Variants in FBXL7 observed in about 807,000 individuals in gnomAD.
The protein encoded by FBXL7 is F-box/LRR-repeat protein 7.
Under a neutral mutation model 38.3 loss-of-function variants are expected in FBXL7, and 12 were observed. That is an observed-to-expected ratio of 0.31 (90% confidence interval 0.20 to 0.51). The LOEUF (loss-of-function observed/expected upper bound fraction) is 0.51. Ranked by LOEUF, FBXL7 falls within the 20% of genes least tolerant of loss-of-function variation. FBXL7 has a pLI of 0.98. For synonymous variants in FBXL7, 297 were observed against 300.9 expected, an observed-to-expected ratio of 0.99 and a Z score of 0.13; for missense variants, 567 against 676.4, an observed-to-expected ratio of 0.84 and a Z score of 1.79.
intron 2 of FBXL7, among the ~76,000 whole-genome samples, chr5:15,638,925 C>T (rs148866516): frequency 1.6e-3 from 247 of 152,230 alleles, no homozygotes; most frequent in African/African-American, 5.7e-3. Flanking sequence ...TTTTACTGAG[C>T]TCAACCCTGA....
chr5:15,688,462 GACCATTC>G (rs1477758313), intron 2 of FBXL7, among the ~76,000 whole-genome samples: 2 of 151,698 alleles, frequency 1.3e-5, no homozygotes, highest in African/African-American at 4.8e-5. Flanking sequence ...TAGTAACTCA[GACCATTC>G]ACTTAGCCAT....
chr5:15,927,799 A>AC, intron 2 of FBXL7, 91 bp from the exon 3 acceptor site: 1 of 970,014 alleles, frequency 1.0e-6, no homozygotes, highest in Non-Finnish European at 1.4e-6. Context: ...AAGAAGAAAG[A>AC]AAAGAAAAGA....
intron 2 of FBXL7, among the ~76,000 whole-genome samples, chr5:15,855,704 G>A (rs1057505862): frequency 6.6e-6 from 1 of 152,136 alleles, no homozygotes; most frequent in Non-Finnish European, 1.5e-5. Context: ...AGGGAGTGGA[G>A]GGAAGAGAAC....
At position 15,500,239 on chromosome 5, in the gene FBXL7, C is replaced by A. The variant is rs1398957021; in HGVS notation, c.-438C>A. The A allele has an allele frequency of 6.6e-6, 1 of 151,964 alleles. No individual in the cohort carries two copies. Among genetic ancestry groups the A allele is most frequent in the African/African-American group, 2.4e-5 (1 of 41,426 alleles). The allele number at this position is 151,964 out of a possible 1,614,324, so 9.4% of individuals were successfully genotyped here. A position where few individuals can be genotyped will look rare whatever the true frequency, so the allele number is the denominator to read the frequency against. On this transcript the variant is annotated 5_prime_UTR_variant, in exon 1 of 4. Coordinates refer to ENST00000504595, the MANE Select transcript of FBXL7 (RefSeq NM_012304.5). ...CGCAACAAGTGGCCGCCGCGCCCTC[C>A]CCGGGGAAGCCGCGGGCGCGCAGGG...
At chr5:15,764,515 G>C (rs1035546853) in intron 2 of FBXL7, among the ~76,000 whole-genome samples, 1 of 152,176 alleles carries the variant, frequency 6.6e-6, no homozygotes, top group Non-Finnish European at 1.5e-5. Flanking sequence ...GATCCATAAA[G>C]GTTAGCGTGT....
At chr5:15,762,361 TGGTTAGAAGCACCCTTGTA>T (rs139723759) in intron 2 of FBXL7, among the ~76,000 whole-genome samples, 2 of 57,944 alleles carry the variant, frequency 3.5e-5, no homozygotes, top group African/African-American at 4.5e-5. Context: ...CAGATTCTGT[TGGTTAGAAGCACCCTTGTA>T]GGGTGGGGGA....
intron 2 of FBXL7, among the ~76,000 whole-genome samples, chr5:15,811,625 T>C (rs1432148547): frequency 1.3e-5 from 2 of 151,898 alleles, no homozygotes; most frequent in African/African-American, 2.4e-5. Context: ...CAGTGTTCCA[T>C]GCTTAAACAA....
chr5:15,896,655 C>T (rs963771782), intron 2 of FBXL7, among the ~76,000 whole-genome samples: 1 of 152,066 alleles, frequency 6.6e-6, no homozygotes, highest in Non-Finnish European at 1.5e-5. Context: ...ATGGGTTACT[C>T]AGGCATCTGT....
chr5:15,503,306 A>G (rs1465783666), intron 1 of FBXL7, among the ~76,000 whole-genome samples: 2 of 152,140 alleles, frequency 1.3e-5, no homozygotes, highest in South Asian at 2.1e-4. Flanking sequence ...CTGTAATCCT[A>G]CCTACCCAGA....
intron 1 of FBXL7, among the ~76,000 whole-genome samples, chr5:15,571,853 T>TG (rs1355557905): frequency 1.3e-5 from 2 of 151,982 alleles, no homozygotes; most frequent in African/African-American, 4.8e-5. Context: ...GCAGATAAAG[T>TG]GACTGCGTGC....
At chr5:15,769,618 T>C (rs772847470) in intron 2 of FBXL7, among the ~76,000 whole-genome samples, 3 of 152,154 alleles carry the variant, frequency 2.0e-5, no homozygotes, top group African/African-American at 4.8e-5. Context: ...GGCTCTGTGG[T>C]AACTATATCA....
rs549557886 is a variant in FBXL7, at chr5:15,587,755, GA to G, written c.38-28226del. Among the ~76,000 whole-genome samples the G allele has an allele frequency of 3.8e-3, 577 of 152,234 alleles. 6 individuals carry two copies. The highest frequency in any genetic ancestry group is 0.013 in the African/African-American group (548 of 41,546). On this transcript the variant is annotated intron_variant, in intron 1 of 3. Transcript: ENST00000504595. ...TGGATGAAACAATGAATGAATTGATGAATGTATTTTTATTCATCCAGCATGT... is the reference window on the plus strand; with the variant it reads ...TGGATGAAACAATGAATGAATTGATGATGTATTTTTATTCATCCAGCATGT...
chr5:15,838,988 T>G (rs1214582958), intron 2 of FBXL7, among the ~76,000 whole-genome samples: 1 of 152,242 alleles, frequency 6.6e-6, no homozygotes, highest in African/African-American at 2.4e-5. Flanking sequence ...TTGGTTTTGC[T>G]TGTTTGTTTT....
intron 2 of FBXL7, among the ~76,000 whole-genome samples, chr5:15,876,328 C>T (rs1442874814): frequency 6.6e-6 from 1 of 151,850 alleles, no homozygotes; most frequent in Non-Finnish European, 1.5e-5. Context: ...CAGCAAACCA[C>T]CATGGCACAT....
chr5:15,817,857 A>C (rs257747), intron 2 of FBXL7, among the ~76,000 whole-genome samples: 80,930 of 151,898 alleles, frequency 0.53, 22,796 homozygotes, highest in Non-Finnish European at 0.64. Context: ...TATGAAAACG[A>C]ACTAATACAA....
chr5:15,631,201 T>C (rs910810509), intron 2 of FBXL7, among the ~76,000 whole-genome samples: 30 of 152,216 alleles, frequency 2.0e-4, no homozygotes, highest in African/African-American at 7.0e-4. Context: ...CCAACATCTC[T>C]AAGTACTTAG....
At chr5:15,845,415 C>G (rs1168176147) in intron 2 of FBXL7, among the ~76,000 whole-genome samples, 3 of 151,864 alleles carry the variant, frequency 2.0e-5, no homozygotes, top group Non-Finnish European at 4.4e-5. Flanking sequence ...TACATACTAA[C>G]CAACCCCTGA....
chr5:15,824,890 A>G (rs1284771198), intron 2 of FBXL7, among the ~76,000 whole-genome samples: 1 of 152,174 alleles, frequency 6.6e-6, no homozygotes, highest in East Asian at 1.9e-4. Flanking sequence ...CAATCTTTTC[A>G]GTTTTGAAAC....
At chr5:15,927,764 T>TAAAAAAAAAAAAAAAAAAA (rs753935096) in intron 2 of FBXL7, 126 bp from the exon 3 acceptor site, 21 of 456,832 alleles carry the variant, frequency 4.6e-5, no homozygotes, top group African/African-American at 4.4e-4. Context: ...GACAAGATCT[T>TAAAAAAAAAAAAAAAAAAA]AAAAAAAAAA....
Sources: gnomAD v4.1 joint callset for allele counts (sites outside exome capture counted in the v4.1 genomes callset) on GRCh38, gnomAD v4.1.1 for gene constraint, MANE v1.5 for transcripts, NCBI Gene and HGNC (gene_info 2026-07-23, HGNC 2026-07-21) for gene names.